ATIC: variants seen among roughly 807,000 people sequenced by gnomAD.
The protein encoded by ATIC is 5-aminoimidazole-4-carboxamide ribonucleotide formyltransferase/IMP cyclohydrolase.
In ATIC, 64 loss-of-function variants were observed where a neutral mutation model predicts 72.5. That is an observed-to-expected ratio of 0.88 (90% CI 0.72 to 1.09). The LOEUF (loss-of-function observed/expected upper bound fraction) is 1.09. Among genes scored for constraint, ATIC ranks in the 50% least tolerant of loss-of-function variants. ATIC has a pLI of 0.00. For synonymous variants in ATIC, 281 were observed against 267.1 expected, an observed-to-expected ratio of 1.05 and a Z score of -0.51; for missense variants, 787 against 732.4, an observed-to-expected ratio of 1.07 and a Z score of -0.86.
chr2:215,341,827 G>A (rs2053022431), intron 12 of ATIC, among the ~76,000 whole-genome samples: 1 of 152,110 alleles, frequency 6.6e-6, no homozygotes, highest in South Asian at 2.1e-4. Flanking sequence ...AAGTGTATTA[G>A]TTTTTATCAC....
At chr2:215,349,768 A>G (rs2053115173), downstream of ATIC, 3 of 1,571,504 alleles carry the variant, frequency 1.9e-6, no homozygotes, top group Admixed American at 5.0e-5. Context: ...CACTGGATCC[A>G]TAGTTTTTGG....
intron 15 of ATIC, 117 bp downstream of exon 15, chr2:215,349,366 A>G: frequency 4.4e-6 from 7 of 1,577,848 alleles, no homozygotes; most frequent in Non-Finnish European, 6.1e-6. Flanking sequence ...AGTAATATTC[A>G]GAGAACCATT....
intron 2 of ATIC, among the ~76,000 whole-genome samples, chr2:215,313,988 C>T (rs1186889755): frequency 6.6e-6 from 1 of 152,072 alleles, no homozygotes; most frequent in African/African-American, 2.4e-5. Context: ...CATCTGTAGT[C>T]TCTTTTTTTT....
chr2:215,361,981 C>T, the ATIC span: 3 of 1,613,570 alleles, frequency 1.9e-6, no homozygotes. Context: ...TGTTTGTTCT[C>T]TGATGGTATC....
chr2:215,316,152 T>TAAA (rs2052706070), intron 2 of ATIC, among the ~76,000 whole-genome samples: 1 of 152,178 alleles, frequency 6.6e-6, no homozygotes, highest in Non-Finnish European at 1.5e-5. Flanking sequence ...GTATAAATTC[T>TAAA]TCAGTTCAAA....
chr2:215,312,059 G>C lies in ATIC; in HGVS notation c.-84G>C. 6.6e-7 allele frequency: 1 copy of C among 1,516,494 alleles called. No homozygotes were observed. Among genetic ancestry groups the C allele is most frequent in the South Asian group, 1.2e-5 (1 of 82,872 alleles). The allele number at this position is 1,516,494 out of a possible 1,614,324, so 93.9% of individuals were successfully genotyped here. A position where few individuals can be genotyped will look rare whatever the true frequency, so the allele number is the denominator to read the frequency against. ...GCTCCGCCCCCTCGCTTCCTGAGCCGCCACATCCCGGCAGCCCTCCTACCT... is the reference window on the plus strand; with the variant it reads ...GCTCCGCCCCCTCGCTTCCTGAGCCCCCACATCCCGGCAGCCCTCCTACCT... On this transcript the variant is annotated 5_prime_UTR_variant, in exon 1 of 16. Transcript: ENST00000236959.
At chr2:215,352,640 A>T (rs1202317750), downstream of ATIC, among the ~76,000 whole-genome samples, 3 of 152,154 alleles carry the variant, frequency 2.0e-5, no homozygotes, top group Non-Finnish European at 4.4e-5. Flanking sequence ...AAAGTATATA[A>T]CCACATTCAA....
At chr2:215,363,962 C>G in the ATIC span, among the ~76,000 whole-genome samples, 1 of 152,174 alleles carries the variant, frequency 6.6e-6, no homozygotes, top group African/African-American at 2.4e-5. Context: ...TCACCAAAGC[C>G]CACCTGGGCC....
chr2:215,348,335 C>T (rs1025406258), intron 14 of ATIC, among the ~76,000 whole-genome samples: 52 of 151,878 alleles, frequency 3.4e-4, no homozygotes, highest in African/African-American at 9.9e-4. Context: ...TTTTTGAAAA[C>T]CCTTGGAACA....
intron 5 of ATIC, 53 bp downstream of exon 5, chr2:215,325,382 T>G: frequency 7.4e-7 from 1 of 1,352,792 alleles, no homozygotes; most frequent in Non-Finnish European, 1.1e-6. Flanking sequence ...TATTTAAATT[T>G]TAGTGAGATT....
chr2:215,318,423 A>G (rs1036974015), intron 3 of ATIC, among the ~76,000 whole-genome samples, 190 bp downstream of exon 3: 2 of 152,226 alleles, frequency 1.3e-5, no homozygotes, highest in Non-Finnish European at 2.9e-5. Flanking sequence ...TTACTACTTG[A>G]TGAATTCAGA....
the ATIC span, chr2:215,363,750 A>G: frequency 7.2e-6 from 1 of 139,504 alleles, no homozygotes; most frequent in Non-Finnish European, 1.6e-5. Context: ...GGGCTGTCAC[A>G]TTCCATTGCT....
chr2:215,322,117 G>A (rs1381933449), intron 4 of ATIC, among the ~76,000 whole-genome samples: 1 of 151,956 alleles, frequency 6.6e-6, no homozygotes, highest in Non-Finnish European at 1.5e-5. Flanking sequence ...TGGCCAGGTT[G>A]GTCTTGAATT....
At chr2:215,362,032 G>A in the ATIC span, 15 of 1,613,998 alleles carry the variant, frequency 9.3e-6, no homozygotes, top group African/African-American at 8.0e-5. Flanking sequence ...TAGTGCCTTC[G>A]GGACTGGGTT....
intron 9 of ATIC, 99 bp downstream of exon 9, chr2:215,333,556 T>C (rs2052919293): frequency 1.2e-6 from 1 of 825,962 alleles, no homozygotes; most frequent in African/African-American, 1.7e-5. Context: ...AATATATAGA[T>C]ATTCTGTATA....
At chr2:215,318,258 A>G (rs771266190) in intron 3 of ATIC, 25 bp downstream of exon 3, 2 of 1,592,046 alleles carry the variant, frequency 1.3e-6, no homozygotes, top group Non-Finnish European at 8.6e-7. Flanking sequence ...TCTTTAATGT[A>G]AAAACAGTCA....
chr2:215,349,629 A>G lies in ATIC; in HGVS notation c.1753A>G (p.Thr585Ala). Reference sequence around the variant, plus strand: ...CGAACTGGGAATCATCCTCGCTCATACGAACCTTCGGCTCTTCCACCACTG... The same window carrying G: ...CGAACTGGGAATCATCCTCGCTCATGCGAACCTTCGGCTCTTCCACCACTG... ...CDELGIILAH[T>A]NLRLFHH The change falls in exon 16 of 16, where the codon ACG (threonine) becomes GCG (alanine). Residue 585 changes from threonine to alanine, a missense_variant. Physicochemically the swap from Thr to Ala is moderately conservative, Grantham distance 58. Transcript: ENST00000236959. The G allele has an allele frequency of 6.2e-7, 1 of 1,614,164 alleles. No homozygotes were observed. Among genetic ancestry groups the G allele is most frequent in the South Asian group, 1.1e-5 (1 of 91,080 alleles).
chr2:215,350,300 C>G (rs1303916902), downstream of ATIC, among the ~76,000 whole-genome samples: 1 of 152,140 alleles, frequency 6.6e-6, no homozygotes, highest in Non-Finnish European at 1.5e-5. Context: ...CCATGCCTGG[C>G]TAATTTTTGT....
intron 14 of ATIC, chr2:215,347,576 T>C: frequency 2.0e-6 from 1 of 488,824 alleles, no homozygotes; most frequent in Non-Finnish European, 4.1e-6. Flanking sequence ...AAATACTAGA[T>C]GGTCTTCTGA....
Sources: gnomAD v4.1 joint callset for allele counts (sites outside exome capture counted in the v4.1 genomes callset) on GRCh38, gnomAD v4.1.1 for gene constraint, MANE v1.5 for transcripts, NCBI Gene and HGNC (gene_info 2026-07-23, HGNC 2026-07-21) for gene names.